Variants in CC2D2B observed in about 807,000 individuals in gnomAD.
CC2D2B encodes protein CC2D2B.
A neutral mutation model predicts 161.2 loss-of-function variants in CC2D2B; 128 were observed. That is an observed-to-expected ratio of 0.79 (90% CI 0.69 to 0.92). CC2D2B has a LOEUF of 0.92. Among genes scored for constraint, CC2D2B ranks in the 40% least tolerant of loss-of-function variants. CC2D2B has a pLI of 0.00. For missense variants in CC2D2B, 1,173 were observed against 1,375.1 expected (o/e 0.85, Z 2.32); for synonymous variants, 391 against 449.8 (o/e 0.87, Z 1.65).
intron 2 of CC2D2B, among the ~76,000 whole-genome samples, chr10:95,918,069 G>A (rs1437396385): frequency 1.3e-5 from 2 of 152,262 alleles, no homozygotes; most frequent in African/African-American, 4.8e-5. Context: ...GAGCCACCGT[G>A]CCCAGCCTAA....
chr10:95,934,781 G>A (rs867294505), intron 6 of CC2D2B, among the ~76,000 whole-genome samples: 1 of 152,200 alleles, frequency 6.6e-6, no homozygotes, highest in African/African-American at 2.4e-5. Flanking sequence ...AGACATCACC[G>A]GCCTTCTGCG....
At chr10:95,995,740 G>A (rs2078207359) in intron 23 of CC2D2B, among the ~76,000 whole-genome samples, 1 of 152,172 alleles carries the variant, frequency 6.6e-6, no homozygotes, top group Admixed American at 6.5e-5. Context: ...AAGGAACTAC[G>A]ACTTAAAGTT....
Position 96,019,831 on chromosome 10 carries a change from C to G in CC2D2B, c.3888+7C>G, listed in dbSNP as rs190146287. ...AAAAATACAAAGCATACAGGTAAAT[C>G]ATATTTTCCCAGGGGTGTCTGTATG... On this transcript the variant is annotated splice_region_variant and intron_variant, in intron 32 of 34. Coordinates refer to ENST00000646931, the MANE Select transcript of CC2D2B (RefSeq NM_001349008.3). 3.8e-6 allele frequency: 6 copies of G among 1,598,150 alleles called. No homozygotes were observed. In the East Asian group the frequency reaches 9.1e-5, roughly 24 times the overall value.
chr10:95,996,196 C>G lies in CC2D2B; in HGVS notation c.2793C>G (p.Thr931=), dbSNP rs1203697795. The part of the protein sequence containing the change: ...EVSFQHTVYK[T]NTASGSHPCW... ...CTTTCCAGCACACTGTATACAAAAC[C>G]AATACAGCAAGTGGATCTCATCCAT... Residue 931 remains threonine, a synonymous_variant, in exon 24 of 35, where the codon ACC becomes ACG. Coordinates refer to ENST00000646931, the MANE Select transcript of CC2D2B (RefSeq NM_001349008.3). 5.3e-6 allele frequency: 8 copies of G among 1,517,244 alleles called. No individual in the cohort carries two copies. The highest frequency in any genetic ancestry group is 7.1e-6 in the Non-Finnish European group (8 of 1,134,654). The allele number at this position is 1,517,244 out of a possible 1,614,324, so 94.0% of individuals were successfully genotyped here. A position where few individuals can be genotyped will look rare whatever the true frequency, so the allele number is the denominator to read the frequency against.
chr10:95,930,907 G>A (rs2141224326), intron 6 of CC2D2B, among the ~76,000 whole-genome samples: 1 of 152,294 alleles, frequency 6.6e-6, no homozygotes, highest in African/African-American at 2.4e-5. Flanking sequence ...CATAAAATGA[G>A]TTAGCGAGGA....
At chr10:96,029,257 T>TATAC (rs1260847205) in intron 34 of CC2D2B, among the ~76,000 whole-genome samples, 1 of 35,598 alleles carries the variant, frequency 2.8e-5, no homozygotes, top group Non-Finnish European at 4.3e-5. Context: ...TATATATATA[T>TATAC]ATATATATAT....
At chr10:96,024,382 G>T (rs1183328262) in intron 32 of CC2D2B, among the ~76,000 whole-genome samples, 1 of 152,188 alleles carries the variant, frequency 6.6e-6, no homozygotes, top group Admixed American at 6.5e-5. Context: ...AATATCTGAT[G>T]TTTGTTGAGC....
Position 96,025,175 on chromosome 10 carries a change from ATAT to A in CC2D2B, c.3947+265_3947+267del, listed in dbSNP as rs1337026778. ...AAAAAATATATATATATATATATAT[ATAT>A]ATATATAAAAAAAAATATATATATA... is the stretch of plus-strand genomic sequence containing the variant. On this transcript the variant is annotated intron_variant, in intron 33 of 34. Coordinates refer to ENST00000646931, the MANE Select transcript of CC2D2B (RefSeq NM_001349008.3). Among the ~76,000 whole-genome samples the A allele has an allele frequency of 2.1e-3, 112 of 52,500 alleles. 5 individuals are homozygous for A. The East Asian group carries it at 0.066, about 31-fold the overall frequency. 34.4% of individuals were successfully genotyped at this position (52,500 alleles called of 152,430 possible).
intron 14 of CC2D2B, among the ~76,000 whole-genome samples, chr10:95,967,767 G>A (rs1021437237): frequency 3.3e-5 from 5 of 152,136 alleles, no homozygotes; most frequent in Non-Finnish European, 7.4e-5. Context: ...GGTCGAAAGA[G>A]GCCAACAGGG....
chr10:95,991,567 A>G (rs2077956924), intron 21 of CC2D2B, 106 bp downstream of exon 21: 3 of 357,924 alleles, frequency 8.4e-6, no homozygotes, highest in Non-Finnish European at 1.5e-5. Context: ...ATGTCAAAAG[A>G]TGCGGTTTCA....
intron 33 of CC2D2B, among the ~76,000 whole-genome samples, chr10:96,026,331 C>T (rs905587908): frequency 6.6e-6 from 1 of 152,152 alleles, no homozygotes; most frequent in African/African-American, 2.4e-5. Flanking sequence ...AGGCACTGTT[C>T]TAGGGGCTGG....
chr10:95,968,317 T>C (rs543522884), intron 14 of CC2D2B, among the ~76,000 whole-genome samples: 2 of 152,304 alleles, frequency 1.3e-5, no homozygotes, highest in African/African-American at 4.8e-5. Flanking sequence ...GTATATAGTC[T>C]ATGTGTGTGT....
At chr10:95,968,021 T>C (rs909325618) in intron 14 of CC2D2B, among the ~76,000 whole-genome samples, 4 of 152,214 alleles carry the variant, frequency 2.6e-5, no homozygotes, top group Non-Finnish European at 5.9e-5. Context: ...AAACATTGGT[T>C]GAGTGAATTA....
Position 96,032,083 on chromosome 10 carries a change from A to G in CC2D2B, c.*75A>G, listed in dbSNP as rs1454250347. 3 of 1,174,946 alleles carry G rather than the reference A, an allele frequency of 2.6e-6. No individual in the cohort carries two copies. The East Asian group carries it at 7.6e-5, about 30-fold the overall frequency. The allele number at this position is 1,174,946 out of a possible 1,614,324, so 72.8% of individuals were successfully genotyped here. On this transcript the variant is annotated 3_prime_UTR_variant, in exon 35 of 35. Transcript: ENST00000646931. ...ACAAAAACTTTTCTGGTACCTTGAGATTTTGCTGTTTATTCTCAAGTCCAG... is the reference window on the plus strand; with the variant it reads ...ACAAAAACTTTTCTGGTACCTTGAGGTTTTGCTGTTTATTCTCAAGTCCAG...
At chr10:95,962,005 T>C (rs1382113935) in intron 12 of CC2D2B, 36 bp downstream of exon 12, 1 of 1,227,726 alleles carries the variant, frequency 8.1e-7, no homozygotes, top group African/African-American at 1.6e-5. Context: ...ATTGGTCTCC[T>C]GAGGAACTTC....
chr10:95,998,887 G>A (rs2078341772), intron 24 of CC2D2B, among the ~76,000 whole-genome samples: 1 of 152,046 alleles, frequency 6.6e-6, no homozygotes, highest in Non-Finnish European at 1.5e-5. Context: ...AGGTCGAGGC[G>A]GGTGGATCAC....
chr10:95,994,491 G>A (rs1004572099), intron 22 of CC2D2B, among the ~76,000 whole-genome samples: 5 of 152,204 alleles, frequency 3.3e-5, no homozygotes, highest in East Asian at 3.8e-4. Flanking sequence ...TTAGGCCTCC[G>A]GATGACTGCA....
intron 1 of CC2D2B, among the ~76,000 whole-genome samples, chr10:95,910,566 T>G (rs2098504567): frequency 2.0e-5 from 3 of 152,150 alleles, no homozygotes; most frequent in Admixed American, 2.0e-4. Context: ...AACCATGAGG[T>G]ATCCACCCCC....
intron 30 of CC2D2B, 107 bp from the exon 31 acceptor site, chr10:96,019,096 C>T (rs1414922): frequency 0.65 from 606,964 of 935,142 alleles, 198,649 homozygotes; most frequent in East Asian, 0.85. Flanking sequence ...TATAAGCCAC[C>T]ACACTCCACT....
Sources: gnomAD v4.1 joint callset for allele counts (sites outside exome capture counted in the v4.1 genomes callset) on GRCh38, gnomAD v4.1.1 for gene constraint, MANE v1.5 for transcripts, NCBI Gene and HGNC (gene_info 2026-07-23, HGNC 2026-07-21) for gene names.